TRAPPC2L: variants seen among roughly 807,000 people sequenced by gnomAD.
The protein encoded by TRAPPC2L is trafficking protein particle complex subunit 2-like protein.
Under a neutral mutation model 13.2 loss-of-function variants are expected in TRAPPC2L, and 17 were observed. That is an observed-to-expected ratio of 1.29 (90% CI 0.88 to 1.93). TRAPPC2L has a LOEUF of 1.93. TRAPPC2L is among the 30% of genes most tolerant of loss of function. The pLI is 0.00. For missense variants in TRAPPC2L, 359 were observed against 252.1 expected (o/e 1.42, Z -2.87); for synonymous variants, 150 against 98.1 (o/e 1.53, Z -3.12).
chr16:88,859,650 A>T lies in TRAPPC2L; in HGVS notation c.207-13A>T. ...CCCTGTGTTACGAGTGCCTTCCCTA[A>T]CCAGCTGTGCAGATACGGCTACGTC... On this transcript the variant is annotated splice_polypyrimidine_tract_variant and intron_variant, in intron 2 of 3. Coordinates refer to ENST00000565504, the Ensembl canonical transcript of TRAPPC2L. 1 of 1,613,570 alleles carries T rather than the reference A, an allele frequency of 6.2e-7. No individual in the cohort carries two copies. The highest frequency in any genetic ancestry group is 8.5e-7 in the Non-Finnish European group (1 of 1,179,734).
exon 4 of TRAPPC2L, chr16:88,860,748 C>G: frequency 1.4e-6 from 1 of 726,980 alleles, no homozygotes; most frequent in South Asian, 1.7e-5. Context: ...TTCTCAGTGC[C>G]CGGTGGGGTG....
intron 1 of TRAPPC2L, chr16:88,857,408 G>A (rs981908696): frequency 6.1e-6 from 3 of 495,488 alleles, no homozygotes; most frequent in Non-Finnish European, 1.1e-5. Context: ...CGCACCCCTC[G>A]GCGCAGCAGG....
chr16:88,859,068 C>T (rs926759705), intron 2 of TRAPPC2L: 17 of 499,732 alleles, frequency 3.4e-5, no homozygotes, highest in African/African-American at 3.3e-4. Flanking sequence ...CTGCTTTGTA[C>T]CTGCAAGGAT....
chr16:88,857,522 C>A (rs1054281633), intron 1 of TRAPPC2L: 4 of 327,156 alleles, frequency 1.2e-5, no homozygotes, highest in Non-Finnish European at 2.2e-5. Context: ...AGCGCTGGTT[C>A]CCCGCGGACG....
rs963302606 is a variant in TRAPPC2L at position 88,860,328 on chromosome 16, T to C, written c.*4T>C. On this transcript the variant is annotated 3_prime_UTR_variant, in exon 4 of 4. Transcript: ENST00000565504. ...ACGTCCTTTTGTAGCTACCTGATCT[T>C]TTATGTTGAATTTGGAACAGTCAGG... 11 of 686,296 alleles carry C rather than the reference T, an allele frequency of 1.6e-5. No homozygotes were observed. In the African/African-American group the frequency reaches 1.8e-4, roughly 11 times the overall value. 42.5% of individuals were successfully genotyped at this position (686,296 alleles called of 1,614,324 possible). A position where few individuals can be genotyped will look rare whatever the true frequency, so the allele number is the denominator to read the frequency against.
At chr16:88,860,116 T>C (rs1567557696) in exon 4 of TRAPPC2L, 3 of 810,696 alleles carry the variant, frequency 3.7e-6, no homozygotes, top group Non-Finnish European at 2.1e-6. Context: ...GCAGAGGTTT[T>C]AAAGCCACAA....
At chr16:88,857,119 G>C (rs770236747), upstream of TRAPPC2L, 10 of 1,538,708 alleles carry the variant, frequency 6.5e-6, no homozygotes, top group South Asian at 1.2e-4. Flanking sequence ...GGCGGGTCAC[G>C]TGACGCGGTG....
chr16:88,859,731 G>C, exon 3 of TRAPPC2L: 1 of 1,613,890 alleles, frequency 6.2e-7, no homozygotes, highest in Non-Finnish European at 8.5e-7. Context: ...ACAGCCCTTC[G>C]AGACAACGAA....
chr16:88,860,468 T>G, exon 4 of TRAPPC2L: 1 of 602,394 alleles, frequency 1.7e-6, no homozygotes. Flanking sequence ...TTTCAGTGAG[T>G]CCCCAGTTCC....
chr16:88,856,299 T>C, upstream of TRAPPC2L: 1 of 702,722 alleles, frequency 1.4e-6, no homozygotes, highest in East Asian at 2.7e-5. Context: ...GCGGGAGTGA[T>C]TCCTAGGGCG....
chr16:88,859,449 G>T (rs549516897), intron 2 of TRAPPC2L: 1 of 702,054 alleles, frequency 1.4e-6, no homozygotes, highest in South Asian at 1.5e-5. Context: ...ACTGGGTAAG[G>T]CTTGGCTGCC....
At chr16:88,860,005 T>G in exon 4 of TRAPPC2L, 1 of 1,487,220 alleles carries the variant, frequency 6.7e-7, no homozygotes, top group South Asian at 1.1e-5. Context: ...TGCCACCTTC[T>G]TTCTGTAGGA....
At chr16:88,856,538 C>G (rs1967901768), upstream of TRAPPC2L, 1 of 696,848 alleles carries the variant, frequency 1.4e-6, no homozygotes, top group East Asian at 2.7e-5. Context: ...GCCTGGACCC[C>G]GCGGCCACTC....
chr16:88,860,102 T>A, exon 4 of TRAPPC2L: 1 of 881,088 alleles, frequency 1.1e-6, no homozygotes, highest in South Asian at 1.3e-5. Context: ...ACCATCCCCC[T>A]AGGGCAGAGG....
intron 1 of TRAPPC2L, chr16:88,857,468 C>T (rs1435043437): frequency 4.8e-6 from 2 of 415,694 alleles, no homozygotes; most frequent in Non-Finnish European, 8.6e-6. Flanking sequence ...CCGGGCACTA[C>T]CTCCGTCCTC....
exon 4 of TRAPPC2L, chr16:88,860,844 C>A: frequency 6.6e-7 from 1 of 1,514,950 alleles, no homozygotes; most frequent in Non-Finnish European, 9.0e-7. Flanking sequence ...AGCCATGCTG[C>A]CCGGCCCGTC....
upstream of TRAPPC2L, chr16:88,856,874 C>T (rs747592738): frequency 2.7e-6 from 4 of 1,508,764 alleles, no homozygotes; most frequent in East Asian, 2.7e-5. Flanking sequence ...ACAACCGCCG[C>T]CATGGCAACC....
chr16:88,856,505 A>G, upstream of TRAPPC2L: 2 of 697,364 alleles, frequency 2.9e-6, no homozygotes, highest in Non-Finnish European at 5.2e-6. Flanking sequence ...GCGTGTGGTG[A>G]TCGGTGACCG....
chr16:88,857,157 G>A lies in TRAPPC2L; in HGVS notation c.7G>A (p.Val3Met), dbSNP rs535526526. The A allele has an allele frequency of 7.0e-5, 111 of 1,583,660 alleles. No homozygotes were observed. In the East Asian group the frequency reaches 2.4e-3, roughly 34 times the overall value. The change falls in exon 1 of 4, where the codon GTG (valine) becomes ATG (methionine). Residue 3 changes from valine (V) to methionine (M), a missense_variant. Physicochemically the swap from Val to Met is conservative, Grantham distance 21. Transcript: ENST00000565504. ...TGGCGCCGAGCCTCCCAAGATGGCG[G>A]TGTGCATCGCGGTGATTGCCAAGGA...
Sources: allele counts gnomAD v4.1 joint callset, GRCh38; gene constraint gnomAD v4.1.1; transcripts MANE v1.5; gene names NCBI Gene and HGNC (gene_info 2026-07-23, HGNC 2026-07-21).